The following RCL1 variants were observed in gnomAD, a reference collection of about 807,000 sequenced individuals.
RCL1 encodes RNA 3'-terminal phosphate cyclase-like protein.
In RCL1, 24 loss-of-function variants were observed where a neutral mutation model predicts 42.4. That is an observed-to-expected ratio of 0.57 (90% CI 0.41 to 0.80). RCL1 has a LOEUF of 0.80. Ranked by LOEUF, RCL1 falls within the 30% of genes least tolerant of loss-of-function variation. RCL1 has a pLI of 0.00. For synonymous variants in RCL1, 228 were observed against 177.3 expected (o/e 1.29, Z -2.27); for missense variants, 578 against 467.9 (o/e 1.24, Z -2.17).
intron 8 of RCL1, among the ~76,000 whole-genome samples, chr9:4,859,802 A>T (rs1340668138): frequency 2.0e-4 from 31 of 152,006 alleles, no homozygotes; most frequent in Admixed American, 2.0e-3. Context: ...CATCTCTTAT[A>T]AAAAAAAGAG....
At chr9:4,827,996 CTA>C (rs1816822263) in intron 3 of RCL1, among the ~76,000 whole-genome samples, 10 of 151,938 alleles carry the variant, frequency 6.6e-5, no homozygotes, top group Non-Finnish European at 1.2e-4. Flanking sequence ...ACCAGCCTGG[CTA>C]ACACAGTGAA....
rs535199174 is a variant in RCL1, at chr9:4,857,378, CT to C, written c.972-2746del. 1.8e-4 allele frequency among the ~76,000 whole-genome samples: 28 copies of C among 152,102 alleles called. No individual in the cohort carries two copies. The South Asian group carries it at 3.7e-3, about 20-fold the overall frequency. ...TCATACACTATCTGGTCCTTTGTGA[CT>C]GGATTCTTTCACTTAGCATAATGTT... On this transcript the variant is annotated intron_variant, in intron 8 of 8. Transcript: ENST00000381750.
At chr9:4,793,870 G>A (rs1480958649) in intron 1 of RCL1, among the ~76,000 whole-genome samples, 1 of 152,220 alleles carries the variant, frequency 6.6e-6, no homozygotes, top group African/African-American at 2.4e-5. Flanking sequence ...TAATTGCCTT[G>A]ACTTTAGAAA....
Position 4,828,412 on chromosome 9 carries a change from A to G in RCL1, c.384+1379A>G, listed in dbSNP as rs563598375. 3.9e-5 allele frequency among the ~76,000 whole-genome samples: 6 copies of G among 152,338 alleles called. No individual in the cohort carries two copies. The East Asian group carries it at 1.2e-3, about 29-fold the overall frequency. On this transcript the variant is annotated intron_variant, in intron 3 of 8. Coordinates refer to ENST00000381750, the MANE Select transcript of RCL1 (RefSeq NM_005772.5). ...ATTGTTAATATGTTCTTAGGCAATA[A>G]AAACTTATTCTTCATTTCTTGGAAA... is the stretch of plus-strand genomic sequence containing the variant.
intron 6 of RCL1, among the ~76,000 whole-genome samples, chr9:4,844,088 C>T (rs570608730): frequency 3.3e-5 from 5 of 152,076 alleles, no homozygotes; most frequent in African/African-American, 1.2e-4. Context: ...ATAGTGCATT[C>T]GAAACATTAA....
chr9:4,844,595 T>C lies in RCL1; in HGVS notation c.781T>C (p.Ser261Pro). Residue 261 changes from serine to proline, a missense_variant, in exon 7 of 9, where the codon TCC becomes CCC. Transcript: ENST00000381750. ...CACCTTCCTCAGTGCTGAACTGGCC[T>C]CCAACCCCCAGGGCCAGGGAGCAGC... is the stretch of plus-strand genomic sequence containing the variant. ...SGTFLSAELASNPQGQGAAVL... is the reference protein window; with the variant it reads ...SGTFLSAELAPNPQGQGAAVL... 2.5e-6 allele frequency: 4 copies of C among 1,614,080 alleles called. No individual in the cohort carries two copies. Among genetic ancestry groups the C allele is most frequent in the Non-Finnish European group, 3.4e-6 (4 of 1,179,966 alleles).
At chr9:4,847,265 A>G (rs1314069004) in intron 7 of RCL1, among the ~76,000 whole-genome samples, 1 of 151,982 alleles carries the variant, frequency 6.6e-6, no homozygotes, top group African/African-American at 2.4e-5. Context: ...TATTCAGAAA[A>G]CTTCCTTTTT....
rs1818133981 is a variant in RCL1, at chr9:4,860,423, G to A, written c.*148G>A. 3.4e-6 allele frequency: 3 copies of A among 872,728 alleles called. No individual in the cohort carries two copies. Among genetic ancestry groups the A allele is most frequent in the African/African-American group, 3.5e-5 (2 of 56,818 alleles). The allele number at this position is 872,728 out of a possible 1,614,324, so 54.1% of individuals were successfully genotyped here. A position where few individuals can be genotyped will look rare whatever the true frequency, so the allele number is the denominator to read the frequency against. The stretch of plus-strand genomic sequence containing the variant: ...AAGAAATATCAATATACAAATAAAA[G>A]ACATCCCTGTAGCATATGGTTTCCA... On this transcript the variant is annotated 3_prime_UTR_variant, in exon 9 of 9. Coordinates refer to ENST00000381750, the MANE Select transcript of RCL1 (RefSeq NM_005772.5).
intron 7 of RCL1, among the ~76,000 whole-genome samples, chr9:4,848,897 G>A (rs35356397): frequency 6.6e-6 from 1 of 152,110 alleles, no homozygotes; most frequent in Admixed American, 6.5e-5. Context: ...AAGGAACTCA[G>A]GAAGAGATAA....
At chr9:4,826,020 A>C (rs920830666) in intron 2 of RCL1, among the ~76,000 whole-genome samples, 12 of 151,970 alleles carry the variant, frequency 7.9e-5, no homozygotes, top group African/African-American at 2.7e-4. Flanking sequence ...ACTTGAGCCC[A>C]AGAGTTCAAG....
chr9:4,823,490 G>T, intron 1 of RCL1, 58 bp from the exon 2 acceptor site: 2 of 1,352,386 alleles, frequency 1.5e-6, no homozygotes, highest in South Asian at 1.2e-5. Flanking sequence ...TGGAAATGTT[G>T]ACCTGACATG....
chr9:4,853,542 C>G (rs775569650), intron 8 of RCL1, among the ~76,000 whole-genome samples: 1 of 152,094 alleles, frequency 6.6e-6, no homozygotes, highest in South Asian at 2.1e-4. Context: ...AGGATGATCT[C>G]GATCTCCTGA....
In RCL1 at chr9:4,839,221, G is replaced by T. The variant is rs190324287; in HGVS notation, c.585-2011G>T. Among the ~76,000 whole-genome samples, 34 of 152,304 alleles carry T rather than the reference G, an allele frequency of 2.2e-4. No homozygotes were observed. In the East Asian group the frequency reaches 4.2e-3, roughly 19 times the overall value. On this transcript the variant is annotated intron_variant, in intron 5 of 8. Transcript: ENST00000381750. ...TTTCATTGCCTGAGTTCTAGTATAG[G>T]ATTCTGTAGGCCCTGAATTCGTACT...
chr9:4,808,238 T>A (rs987921840), intron 1 of RCL1, among the ~76,000 whole-genome samples: 2 of 152,198 alleles, frequency 1.3e-5, no homozygotes, highest in African/African-American at 4.8e-5. Context: ...TTAGGATTGC[T>A]AACATCCTCT....
At chr9:4,827,731 AGTGT>A (rs71326142) in intron 3 of RCL1, among the ~76,000 whole-genome samples, 50,253 of 147,252 alleles carry the variant, frequency 0.34, 9,207 homozygotes, top group East Asian at 0.74. Context: ...TCTAGGATGA[AGTGT>A]GTGTGTGTGT....
intron 1 of RCL1, among the ~76,000 whole-genome samples, chr9:4,802,862 A>C (rs184620699): frequency 6.6e-6 from 1 of 152,236 alleles, no homozygotes; most frequent in East Asian, 1.9e-4. Flanking sequence ...GCTCTGTCGC[A>C]CAGGCTGGGG....
intron 8 of RCL1, among the ~76,000 whole-genome samples, chr9:4,855,545 G>C (rs188226115): frequency 6.6e-6 from 1 of 152,318 alleles, no homozygotes; most frequent in East Asian, 1.9e-4. Context: ...ACAAGACTTT[G>C]TTCAAGTGCA....
At position 4,853,682 on chromosome 9, in the gene RCL1, T is replaced by C. The variant is rs186231445; in HGVS notation, c.971+4132T>C. On this transcript the variant is annotated intron_variant, in intron 8 of 8. Transcript: ENST00000381750. The stretch of plus-strand genomic sequence containing the variant: ...TCCATATCGCTGGACTCCAAGCACC[T>C]TGCCTGAGGCAGGATGCCATGCTAC... Among the ~76,000 whole-genome samples, 12 of 152,352 alleles carry C rather than the reference T, an allele frequency of 7.9e-5. No homozygotes were observed. The East Asian group carries it at 2.3e-3, about 29-fold the overall frequency.
At chr9:4,836,363 CAG>C (rs1014775979) in intron 5 of RCL1, among the ~76,000 whole-genome samples, 3 of 152,088 alleles carry the variant, frequency 2.0e-5, no homozygotes, top group African/African-American at 4.8e-5. Context: ...AGGATTGTCA[CAG>C]GGGCTCACCA....
Sources: gnomAD v4.1 joint callset for allele counts (sites outside exome capture counted in the v4.1 genomes callset) on GRCh38, gnomAD v4.1.1 for gene constraint, MANE v1.5 for transcripts, NCBI Gene and HGNC (gene_info 2026-07-23, HGNC 2026-07-21) for gene names.